The following CADM1 variants were observed in gnomAD, a reference collection of about 807,000 sequenced individuals.
CADM1 encodes the protein TSLC-1.
A neutral mutation model predicts 53.1 loss-of-function variants in CADM1; 15 were observed. The ratio of observed to expected loss-of-function variants is 0.28; its 90% CI spans 0.19 to 0.44. The LOEUF is 0.44. Among genes scored for constraint, CADM1 ranks in the 20% least tolerant of loss-of-function variants. CADM1 has a pLI of 1.00. For missense variants in CADM1, 434 were observed against 611.3 expected, an observed-to-expected ratio of 0.71 and a Z score of 3.06; for synonymous variants, 281 against 243.0, an observed-to-expected ratio of 1.16 and a Z score of -1.45.
At chr11:115,364,531 G>A (rs1946109083) in intron 1 of CADM1, among the ~76,000 whole-genome samples, 1 of 147,060 alleles carries the variant, frequency 6.8e-6, no homozygotes, top group South Asian at 2.3e-4. Context: ...TTTCTATAGT[G>A]GGGGAAAATA....
intron 2 of CADM1, among the ~76,000 whole-genome samples, chr11:115,239,262 C>T (rs1239596083): frequency 6.6e-6 from 1 of 152,122 alleles, no homozygotes. Flanking sequence ...ACCTAATCAA[C>T]TTGGATGCAC....
intron 1 of CADM1, among the ~76,000 whole-genome samples, chr11:115,278,809 A>T (rs1027216010): frequency 4.6e-5 from 7 of 152,276 alleles, no homozygotes; most frequent in Middle Eastern, 3.4e-3. Context: ...TCTCCACAGG[A>T]AAGATCAGAT....
At chr11:115,473,586 G>A (rs1257778486) in intron 1 of CADM1, among the ~76,000 whole-genome samples, 1 of 152,168 alleles carries the variant, frequency 6.6e-6, no homozygotes, top group Non-Finnish European at 1.5e-5. Flanking sequence ...GTTAAAAGGA[G>A]TAAGAATAGT....
intron 1 of CADM1, among the ~76,000 whole-genome samples, chr11:115,490,094 A>C (rs1038154990): frequency 7.2e-5 from 11 of 152,212 alleles, no homozygotes; most frequent in African/African-American, 2.7e-4. Context: ...TTGAGCAAGA[A>C]AGTGACATCT....
Position 115,404,162 on chromosome 11 carries a change from T to C in CADM1, c.124+100109A>G, listed in dbSNP as rs866961062. On this transcript the variant is annotated intron_variant, in intron 1 of 11. Coordinates refer to ENST00000331581, the MANE Select transcript of CADM1 (RefSeq NM_001301043.2). The stretch of plus-strand genomic sequence containing the variant: ...CCAACATGGTAAAACCCTGTCTCTA[T>C]GAAAAATACAAAAATTAGCTGGGTG... Among the ~76,000 whole-genome samples, 5 of 146,798 alleles carry C rather than the reference T, an allele frequency of 3.4e-5. No homozygotes were observed. In the South Asian group the frequency reaches 8.8e-4, roughly 26 times the overall value.
intron 1 of CADM1, among the ~76,000 whole-genome samples, chr11:115,261,086 C>T (rs1218817960): frequency 1.3e-5 from 2 of 152,100 alleles, no homozygotes; most frequent in East Asian, 1.9e-4. Context: ...CTGAGACTTA[C>T]AAGCTGTAAG....
intron 1 of CADM1, among the ~76,000 whole-genome samples, chr11:115,259,938 G>GT (rs1054034085): frequency 5.9e-5 from 9 of 151,782 alleles, no homozygotes; most frequent in African/African-American, 2.2e-4. Context: ...TTTGTTTTTT[G>GT]TTTTTTTGAC....
At chr11:115,182,169 C>T (rs1684326359) in intron 10 of CADM1, among the ~76,000 whole-genome samples, 1 of 152,210 alleles carries the variant, frequency 6.6e-6, no homozygotes, top group Non-Finnish European at 1.5e-5. Context: ...ATTCCCGGCT[C>T]ATTTTCTGAA....
At chr11:115,492,018 C>G (rs557360867) in intron 1 of CADM1, among the ~76,000 whole-genome samples, 80 of 152,224 alleles carry the variant, frequency 5.3e-4, no homozygotes, top group African/African-American at 1.9e-3. Context: ...ATGGATGCAG[C>G]AAACCAATAT....
intron 1 of CADM1, among the ~76,000 whole-genome samples, chr11:115,463,554 A>G (rs1475570224): frequency 6.6e-6 from 1 of 152,248 alleles, no homozygotes; most frequent in East Asian, 1.9e-4. Context: ...ATTGTATTAT[A>G]GGAAACAATA....
At position 115,472,805 on chromosome 11, in the gene CADM1, A is replaced by T. The variant is rs1022612789; in HGVS notation, c.124+31466T>A. 2.0e-5 allele frequency among the ~76,000 whole-genome samples: 3 copies of T among 152,178 alleles called. No individual in the cohort carries two copies. In the East Asian group the frequency reaches 5.8e-4, roughly 29 times the overall value. On this transcript the variant is annotated intron_variant, in intron 1 of 11. Coordinates refer to ENST00000331581, the MANE Select transcript of CADM1 (RefSeq NM_001301043.2). ...GAAAAATGATATACAGCTACCTTGG[A>T]TTTAGAAAAGAATATTATACCTTGT...
At chr11:115,416,200 T>C (rs181639397) in intron 1 of CADM1, among the ~76,000 whole-genome samples, 213 of 152,328 alleles carry the variant, frequency 1.4e-3, no homozygotes, top group African/African-American at 5.0e-3. Context: ...TAGCTCCAGG[T>C]CATGCATTTA....
intron 1 of CADM1, among the ~76,000 whole-genome samples, chr11:115,447,746 C>A (rs1446358956): frequency 2.0e-5 from 3 of 152,162 alleles, no homozygotes; most frequent in African/African-American, 7.2e-5. Flanking sequence ...TATCAGAGTG[C>A]CTCCAAAGAG....
chr11:115,466,938 T>C (rs1415585857), intron 1 of CADM1, among the ~76,000 whole-genome samples: 1 of 152,202 alleles, frequency 6.6e-6, no homozygotes, highest in East Asian at 1.9e-4. Context: ...GTACATCACT[T>C]ACCAGCCAAC....
At chr11:115,352,947 T>A (rs1305804557) in intron 1 of CADM1, among the ~76,000 whole-genome samples, 1 of 152,210 alleles carries the variant, frequency 6.6e-6, no homozygotes. Context: ...TTAGGCTGAT[T>A]CCATGTCTTT....
intron 1 of CADM1, among the ~76,000 whole-genome samples, chr11:115,461,367 C>A (rs568857330): frequency 1.3e-5 from 2 of 152,148 alleles, no homozygotes; most frequent in Non-Finnish European, 2.9e-5. Context: ...AAAAGCTGAA[C>A]AAAATTCTTA....
intron 1 of CADM1, among the ~76,000 whole-genome samples, chr11:115,253,455 T>C (rs1185478722): frequency 6.6e-6 from 1 of 152,178 alleles, no homozygotes; most frequent in Non-Finnish European, 1.5e-5. Flanking sequence ...TCACGGGACA[T>C]AATTTTCCCC....
At chr11:115,313,035 G>C (rs557678466) in intron 1 of CADM1, among the ~76,000 whole-genome samples, 29 of 152,086 alleles carry the variant, frequency 1.9e-4, no homozygotes, top group African/African-American at 7.0e-4. Flanking sequence ...TAGAAAAGCA[G>C]CAAGCAATAA....
At position 115,220,453 on chromosome 11, in the gene CADM1, C is replaced by A. The variant is rs529230916; in HGVS notation, c.722-2462G>T. ...CATTTACTAAATCACAAAAAATACACCTTCAGTTTTGATAACTGATTTTCC... is the reference window on the plus strand; with the variant it reads ...CATTTACTAAATCACAAAAAATACAACTTCAGTTTTGATAACTGATTTTCC... On this transcript the variant is annotated intron_variant, in intron 5 of 11. Coordinates refer to ENST00000331581, the MANE Select transcript of CADM1 (RefSeq NM_001301043.2). Among the ~76,000 whole-genome samples the A allele has an allele frequency of 3.0e-4, 46 of 152,278 alleles. 1 individual carries two copies. The South Asian group carries it at 5.6e-3, about 19-fold the overall frequency.
Sources: allele counts gnomAD v4.1 joint callset (sites outside exome capture counted in the v4.1 genomes callset), GRCh38; gene constraint gnomAD v4.1.1; transcripts MANE v1.5; gene names NCBI Gene and HGNC (gene_info 2026-07-23, HGNC 2026-07-21).